DNAJB6: variants seen among roughly 807,000 people sequenced by gnomAD.
DNAJB6 encodes the protein dnaJ homolog subfamily B member 6.
DNAJB6 carries 16 observed loss-of-function variants against 42.7 expected under a neutral mutation model. That is an observed-to-expected ratio of 0.37 (90% CI 0.25 to 0.57). DNAJB6 has a LOEUF of 0.57. Among genes scored for constraint, DNAJB6 ranks in the 20% least tolerant of loss-of-function variants. The probability of loss-of-function intolerance (pLI) is 0.74; values close to 1 mark genes in which losing one functional copy is unlikely to be tolerated. For synonymous variants in DNAJB6, 170 were observed against 163.5 expected (o/e 1.04, Z -0.30); for missense variants, 347 against 416.8 (o/e 0.83, Z 1.46).
At chr7:157,337,328 C>A (rs999537047) in intron 1 of DNAJB6, among the ~76,000 whole-genome samples, 184 bp downstream of exon 1, 1 of 151,114 alleles carries the variant, frequency 6.6e-6, no homozygotes, top group African/African-American at 2.4e-5. Context: ...GCGGGGTCCT[C>A]TGGGTCAGGT....
intron 6 of DNAJB6, among the ~76,000 whole-genome samples, chr7:157,383,912 TAAATA>T (rs1443306230): frequency 2.0e-5 from 3 of 152,328 alleles, no homozygotes; most frequent in Middle Eastern, 6.8e-3. Flanking sequence ...TATACTGTAT[TAAATA>T]AAATACTAAA....
chr7:157,369,666 C>CT (rs1433025152), intron 5 of DNAJB6, among the ~76,000 whole-genome samples: 1 of 149,478 alleles, frequency 6.7e-6, no homozygotes, highest in South Asian at 2.1e-4. Context: ...AAACAGGCCC[C>CT]TTCTTAACAT....
chr7:157,401,541 A>G (rs1358492692), intron 8 of DNAJB6, among the ~76,000 whole-genome samples: 1 of 152,236 alleles, frequency 6.6e-6, no homozygotes, highest in Non-Finnish European at 1.5e-5. Flanking sequence ...AGGAATGGAA[A>G]GAGCACAGAG....
rs112834824 is a variant in DNAJB6, at chr7:157,357,212, GTCCTTCCTTCCTTCCTTCCTTCCTTCCT to G, written c.-26-1311_-26-1284del. On this transcript the variant is annotated intron_variant, in intron 1 of 9. Transcript: ENST00000262177. ...GTCTTTGTGGCTTTGTGATACTGTT[GTCCTTCCTTCCTTCCTTCCTTCCTTCCT>G]TCCTTCCTTCCTTCCTTCCTTCCGT... Among the ~76,000 whole-genome samples, 2 of 61,850 alleles carry G rather than the reference GTCCTTCCTTCCTTCCTTCCTTCCTTCCT, an allele frequency of 3.2e-5. 1 individual carries two copies. Among genetic ancestry groups the G allele is most frequent in the Non-Finnish European group, 7.2e-5 (2 of 27,946 alleles). The allele number at this position is 61,850 out of a possible 152,430, so 40.6% of individuals were successfully genotyped here. A position where few individuals can be genotyped will look rare whatever the true frequency, so the allele number is the denominator to read the frequency against.
At chr7:157,391,862 G>A (rs969223694) in intron 8 of DNAJB6, among the ~76,000 whole-genome samples, 2 of 152,162 alleles carry the variant, frequency 1.3e-5, no homozygotes, top group African/African-American at 4.8e-5. Flanking sequence ...AGTGCTCTGG[G>A]AGGCTGAGGT....
At chr7:157,368,409 G>A (rs932478082) in intron 5 of DNAJB6, among the ~76,000 whole-genome samples, 2 of 152,184 alleles carry the variant, frequency 1.3e-5, no homozygotes, top group African/African-American at 2.4e-5. Context: ...CCTTTCATCC[G>A]TAAACATTGT....
chr7:157,409,775 C>T lies in DNAJB6; in HGVS notation c.692-20C>T, dbSNP rs528258385. The T allele has an allele frequency of 3.3e-6, 5 of 1,511,560 alleles. No homozygotes were observed. The highest frequency in any genetic ancestry group is 2.3e-4 in the Middle Eastern group (1 of 4,308). The allele number at this position is 1,511,560 out of a possible 1,614,324, so 93.6% of individuals were successfully genotyped here. On this transcript the variant is annotated intron_variant, in intron 8 of 9. Coordinates refer to ENST00000262177, the MANE Select transcript of DNAJB6 (RefSeq NM_058246.4). ...CGCCGCCGCTCACTCACGGCTCTCT[C>T]TCTCCCGCTGTGCCTGCAGGTGTGG...
At chr7:157,380,940 C>A (rs192269697) in intron 5 of DNAJB6, 1 of 152,086 alleles carries the variant, frequency 6.6e-6, no homozygotes, top group African/African-American at 2.4e-5. Context: ...ACCTGTACGT[C>A]GGTCCTTTCA....
At chr7:157,386,710 CCT>C (rs1237484703) in intron 8 of DNAJB6, among the ~76,000 whole-genome samples, 6 of 151,986 alleles carry the variant, frequency 3.9e-5, no homozygotes, top group Admixed American at 3.9e-4. Context: ...TGGTGAAACC[CCT>C]GTCTCTACTA....
chr7:157,369,641 C>G (rs1430236110), intron 5 of DNAJB6, among the ~76,000 whole-genome samples: 1 of 150,900 alleles, frequency 6.6e-6, no homozygotes, highest in South Asian at 2.1e-4. Context: ...GAGGCCCTTT[C>G]TTCACATTAT....
At chr7:157,377,759 CTG>C (rs1426847494) in intron 5 of DNAJB6, among the ~76,000 whole-genome samples, 1 of 152,230 alleles carries the variant, frequency 6.6e-6, no homozygotes, top group Non-Finnish European at 1.5e-5. Flanking sequence ...TTTGGGAACT[CTG>C]TGCATGGCCC....
At chr7:157,374,863 A>G (rs1163176704) in intron 5 of DNAJB6, among the ~76,000 whole-genome samples, 1 of 152,140 alleles carries the variant, frequency 6.6e-6, no homozygotes. Context: ...TCCCCCTAAC[A>G]GGTCTTTGTA....
At chr7:157,367,589 G>C in intron 5 of DNAJB6, 106 bp downstream of exon 5, 2 of 759,074 alleles carry the variant, frequency 2.6e-6, no homozygotes, top group Non-Finnish European at 4.7e-6. Flanking sequence ...GGCTGGGCGC[G>C]GTGGCTCATG....
At position 157,369,853 on chromosome 7, in the gene DNAJB6, GGGCCCCTTCTTCACATTATTATTAAACA is replaced by G. The variant is rs1563128380; in HGVS notation, c.346+2381_346+2408del. Among the ~76,000 whole-genome samples the G allele has an allele frequency of 5.5e-4, 76 of 137,790 alleles. 1 individual carries two copies. The highest frequency in any genetic ancestry group is 1.8e-3 in the African/African-American group (59 of 32,678). 90.4% of individuals were successfully genotyped at this position (137,790 alleles called of 152,430 possible). A position where few individuals can be genotyped will look rare whatever the true frequency, so the allele number is the denominator to read the frequency against. On this transcript the variant is annotated intron_variant, in intron 5 of 9. Transcript: ENST00000262177. ...GCCTTTCATAACGTTATTATTAAAC[GGGCCCCTTCTTCACATTATTATTAAACA>G]GGCCCCTTCTCAACATTATTATTAA...
chr7:157,383,113 T>G (rs999561081), intron 6 of DNAJB6, among the ~76,000 whole-genome samples: 1 of 152,140 alleles, frequency 6.6e-6, no homozygotes, highest in South Asian at 2.1e-4. Context: ...TTGAAGTGAT[T>G]CTTGTGCCTC....
At chr7:157,362,832 G>A (rs1799671805) in intron 2 of DNAJB6, among the ~76,000 whole-genome samples, 1 of 152,078 alleles carries the variant, frequency 6.6e-6, no homozygotes, top group Non-Finnish European at 1.5e-5. Flanking sequence ...TTAATTTTGA[G>A]ACAGTCTTGT....
At chr7:157,354,529 A>C (rs1165644072) in intron 1 of DNAJB6, among the ~76,000 whole-genome samples, 1 of 152,026 alleles carries the variant, frequency 6.6e-6, no homozygotes, top group Non-Finnish European at 1.5e-5. Flanking sequence ...CCCAAGCTGG[A>C]GTGCTGTGGC....
At chr7:157,390,776 T>C (rs551725254) in intron 8 of DNAJB6, among the ~76,000 whole-genome samples, 2 of 152,256 alleles carry the variant, frequency 1.3e-5, no homozygotes, top group East Asian at 3.9e-4. Context: ...TAATGGCGTG[T>C]GGGGGAGATG....
At chr7:157,367,581 C>A in intron 5 of DNAJB6, 98 bp downstream of exon 5, 2 of 827,904 alleles carry the variant, frequency 2.4e-6, no homozygotes, top group South Asian at 1.4e-5. Context: ...GTATTTTAGG[C>A]TGGGCGCGGT....
Sources: gnomAD v4.1 joint callset for allele counts (sites outside exome capture counted in the v4.1 genomes callset) on GRCh38, gnomAD v4.1.1 for gene constraint, MANE v1.5 for transcripts, NCBI Gene and HGNC (gene_info 2026-07-23, HGNC 2026-07-21) for gene names.